Variants in PCDHGB3 observed in about 807,000 individuals in gnomAD.
PCDHGB3 encodes the protein protocadherin gamma-B3.
PCDHGB3 carries 40 observed loss-of-function variants against 59.2 expected under a neutral mutation model. That is an observed-to-expected ratio of 0.68 (90% confidence interval 0.52 to 0.88). The LOEUF (loss-of-function observed/expected upper bound fraction) is 0.88. Ranked by LOEUF, PCDHGB3 falls within the 40% of genes least tolerant of loss-of-function variation. PCDHGB3 has a pLI of 0.00. For synonymous variants in PCDHGB3, 581 were observed against 503.6 expected, an observed-to-expected ratio of 1.15 and a Z score of -2.06; for missense variants, 1,309 against 1,187.9, an observed-to-expected ratio of 1.10 and a Z score of -1.50.
rs771804151 is a variant in PCDHGB3, at chr5:141,486,704, A to G, written c.2416-8103A>G. On this transcript the variant is annotated intron_variant, in intron 1 of 3. Coordinates refer to ENST00000576222, the MANE Select transcript of PCDHGB3 (RefSeq NM_018924.5). The surrounding 1 kb of genome is among the most constrained non-coding windows in gnomAD (Gnocchi z 5.0). ...ATCAGCTTCCTCTTTCATCTCTCTG[A>G]ACCCCCAGACAGGAGCTGTTCATGC... 2.2e-5 allele frequency: 35 copies of G among 1,614,016 alleles called. No homozygotes were observed. Among genetic ancestry groups the G allele is most frequent in the Non-Finnish European group, 2.7e-5 (32 of 1,180,032 alleles).
At chr5:141,394,016 T>C in intron 1 of PCDHGB3, 1 of 1,613,452 alleles carries the variant, frequency 6.2e-7, no homozygotes, top group Non-Finnish European at 8.5e-7. Context: ...TAGGTAATTA[T>C]TATAGATTAG....
chr5:141,410,809 G>C, intron 1 of PCDHGB3: 1 of 292,002 alleles, frequency 3.4e-6, no homozygotes, highest in Admixed American at 5.8e-5. Flanking sequence ...CTATCTTTTT[G>C]TAAAATAATG....
At chr5:141,426,033 C>G (rs978171140) in intron 1 of PCDHGB3, among the ~76,000 whole-genome samples, 14 of 152,162 alleles carry the variant, frequency 9.2e-5, no homozygotes, top group African/African-American at 3.1e-4. Context: ...AGACTCAGAG[C>G]CCTGCTGTTG....
chr5:141,489,093 A>T lies in PCDHGB3; in HGVS notation c.2416-5714A>T. ...GCCCACCCCCGCCACTCGGTGACTA[A>T]GAACTGCTGCAAGCAGGCAAACCTC... is the stretch of plus-strand genomic sequence containing the variant. On this transcript the variant is annotated intron_variant, in intron 1 of 3. Coordinates refer to ENST00000576222, the MANE Select transcript of PCDHGB3 (RefSeq NM_018924.5). This position sits in a 1 kb window ranked among gnomAD's most constrained non-coding sequence, Gnocchi z 4.5. 2.1e-6 allele frequency: 1 copy of T among 477,272 alleles called. No individual in the cohort carries two copies. Among genetic ancestry groups the T allele is most frequent in the Non-Finnish European group, 3.6e-6 (1 of 276,700 alleles). The allele number at this position is 477,272 out of a possible 1,614,324, so 29.6% of individuals were successfully genotyped here.
At chr5:141,468,324 C>T (rs1301315098) in intron 1 of PCDHGB3, 1 of 127,722 alleles carries the variant, frequency 7.8e-6, no homozygotes, top group Non-Finnish European at 1.6e-5. Context: ...ACGGTAAACT[C>T]CATCTCAAAA....
intron 1 of PCDHGB3, among the ~76,000 whole-genome samples, chr5:141,445,180 GT>G (rs745433969): frequency 6.6e-6 from 1 of 152,148 alleles, no homozygotes; most frequent in Non-Finnish European, 1.5e-5. Flanking sequence ...GAAAAACTAT[GT>G]TTTTATGTAT....
intron 1 of PCDHGB3, among the ~76,000 whole-genome samples, chr5:141,406,594 G>A (rs1463823326): frequency 1.3e-5 from 2 of 152,068 alleles, no homozygotes; most frequent in Non-Finnish European, 2.9e-5. Context: ...CCCTTTAATG[G>A]TGAAAGTTGT....
Position 141,374,348 on chromosome 5 carries a change from AG to A in PCDHGB3, c.2415+1541del, listed in dbSNP as rs750321680. The A allele has an allele frequency of 1.9e-6, 3 of 1,613,910 alleles. No individual in the cohort carries two copies. The African/African-American group carries it at 4.0e-5, about 22-fold the overall frequency. On this transcript the variant is annotated intron_variant, in intron 1 of 3. Coordinates refer to ENST00000576222, the MANE Select transcript of PCDHGB3 (RefSeq NM_018924.5). ...AAACGGCAGCTTGGTCACCGCGGGT[AG>A]GATAGACCGCGAGGAGCTCTGTGCT...
chr5:141,402,882 G>C, intron 1 of PCDHGB3: 2 of 1,479,680 alleles, frequency 1.4e-6, no homozygotes, highest in East Asian at 4.8e-5. Context: ...TACTTTGCAG[G>C]GTGGAAGAAA....
At position 141,486,735 on chromosome 5, in the gene PCDHGB3, G is replaced by T; in HGVS notation, c.2416-8072G>T. 6.2e-7 allele frequency: 1 copy of T among 1,614,176 alleles called. No individual in the cohort carries two copies. The highest frequency in any genetic ancestry group is 1.1e-5 in the South Asian group (1 of 91,086). On this transcript the variant is annotated intron_variant, in intron 1 of 3. Coordinates refer to ENST00000576222, the MANE Select transcript of PCDHGB3 (RefSeq NM_018924.5). The surrounding 1 kb of genome is among the most constrained non-coding windows in gnomAD (Gnocchi z 5.0). Reference sequence around the variant, plus strand: ...CAGACAGGAGCTGTTCATGCTACTCGATCCTTTGACTATGAGCAAACCCAG... The same window carrying T: ...CAGACAGGAGCTGTTCATGCTACTCTATCCTTTGACTATGAGCAAACCCAG...
At chr5:141,500,914 G>T (rs1237339394) in intron 2 of PCDHGB3, among the ~76,000 whole-genome samples, 2 of 151,130 alleles carry the variant, frequency 1.3e-5, no homozygotes, top group Non-Finnish European at 2.9e-5. Flanking sequence ...CTGTCTCCAG[G>T]CTGGGGTGCA....
intron 1 of PCDHGB3, among the ~76,000 whole-genome samples, chr5:141,438,587 C>CAT (rs1372372472): frequency 1.4e-4 from 10 of 73,396 alleles, no homozygotes; most frequent in East Asian, 3.8e-4. Context: ...TACATACATA[C>CAT]ATACATATAT....
Position 141,477,388 on chromosome 5 carries a change from C to T in PCDHGB3, c.2416-17419C>T. The T allele has an allele frequency of 6.2e-7, 1 of 1,614,136 alleles. No homozygotes were observed. The highest frequency in any genetic ancestry group is 8.5e-7 in the Non-Finnish European group (1 of 1,180,014). On this transcript the variant is annotated intron_variant, in intron 1 of 3. Transcript: ENST00000576222. The surrounding 1 kb of genome is among the most constrained non-coding windows in gnomAD (Gnocchi z 4.9). Reference sequence around the variant, plus strand: ...ATCGGGAGACTGTGCCAGAATACAACCTCAGCATCACCGCCCGAGACGCCG... The same window carrying T: ...ATCGGGAGACTGTGCCAGAATACAATCTCAGCATCACCGCCCGAGACGCCG...
intron 1 of PCDHGB3, chr5:141,409,251 C>T (rs2095247124): frequency 6.2e-7 from 1 of 1,613,922 alleles, no homozygotes; most frequent in Non-Finnish European, 8.5e-7. Context: ...ATAATCATCA[C>T]TTCTCTCTCT....
intron 1 of PCDHGB3, chr5:141,392,699 T>C: frequency 2.4e-6 from 3 of 1,248,768 alleles, no homozygotes; most frequent in South Asian, 3.3e-5. Context: ...CGACCCCTGT[T>C]TGGAGGCACT....
chr5:141,429,169 T>TACACACACACACACAC (rs10667977), intron 1 of PCDHGB3: 2 of 145,394 alleles, frequency 1.4e-5, no homozygotes, highest in East Asian at 2.0e-4. Flanking sequence ...ACATTGTTTA[T>TACACACACACACACAC]ACACACACAC....
chr5:141,389,142 G>T (rs72790030), intron 1 of PCDHGB3: 5 of 1,613,968 alleles, frequency 3.1e-6, no homozygotes, highest in Non-Finnish European at 4.2e-6. Flanking sequence ...CAATATAACC[G>T]TTACGGCAAC....
In PCDHGB3 at chr5:141,431,339, T is replaced by A. The variant is rs1374646530; in HGVS notation, c.2415+58530T>A. 7.4e-6 allele frequency: 12 copies of A among 1,613,942 alleles called. No homozygotes were observed. In the Admixed American group the frequency reaches 1.2e-4, roughly 16 times the overall value. ...AGCCGACGGTAGTAAGTACCCCGAA[T>A]TGGTGCTGAAACGCGCCCTGGACCG... On this transcript the variant is annotated intron_variant, in intron 1 of 3. Coordinates refer to ENST00000576222, the MANE Select transcript of PCDHGB3 (RefSeq NM_018924.5). This position sits in a 1 kb window ranked among gnomAD's most constrained non-coding sequence, Gnocchi z 4.8.
At chr5:141,437,796 G>A (rs2097911691) in intron 1 of PCDHGB3, among the ~76,000 whole-genome samples, 1 of 150,348 alleles carries the variant, frequency 6.7e-6, no homozygotes, top group South Asian at 2.1e-4. Context: ...GGAGTGCAGT[G>A]GCACTATCTT....
Sources: gnomAD v4.1 joint callset for allele counts (sites outside exome capture counted in the v4.1 genomes callset) on GRCh38, gnomAD v4.1.1 for gene constraint, Gnocchi (gnomAD v3.1) non-coding constraint, MANE v1.5 for transcripts, NCBI Gene and HGNC (gene_info 2026-07-23, HGNC 2026-07-21) for gene names.